Variants in DPP6 observed in about 807,000 individuals in gnomAD.
The protein encoded by DPP6 is A-type potassium channel modulatory protein DPP6.
A neutral mutation model predicts 122.6 loss-of-function variants in DPP6; 69 were observed. The observed-to-expected ratio is 0.56, with a 90% CI of 0.46 to 0.69. The LOEUF (loss-of-function observed/expected upper bound fraction) is 0.69. Ranked by LOEUF, DPP6 falls within the 30% of genes least tolerant of loss-of-function variation. The probability of loss-of-function intolerance (pLI) is 0.00; values close to 1 mark genes in which losing one functional copy is unlikely to be tolerated. For missense variants in DPP6, 928 were observed against 1,116.9 expected (o/e 0.83, Z 2.41); for synonymous variants, 418 against 433.1 (o/e 0.97, Z 0.43).
At chr7:153,847,682 G>A in the DPP6 span, among the ~76,000 whole-genome samples, 3 of 152,116 alleles carry the variant, frequency 2.0e-5, no homozygotes, top group Non-Finnish European at 4.4e-5. Flanking sequence ...TGTCTACTAA[G>A]CCCCTTTAAT....
At chr7:154,814,684 A>G (rs961683022) in intron 16 of DPP6, among the ~76,000 whole-genome samples, 2 of 152,222 alleles carry the variant, frequency 1.3e-5, no homozygotes, top group African/African-American at 4.8e-5. Flanking sequence ...TGGAGGCCGG[A>G]AATCCAAAAT....
rs1010531679 is a variant in DPP6 at position 154,061,672 on chromosome 7, C to G, written c.243+8609C>G. ...GACTCAGAGCCAACCCCTCTTCCCC[C>G]CCTGGCTCTTGGGACCACCATCGCA... On this transcript the variant is annotated intron_variant, in intron 1 of 25. Coordinates refer to ENST00000377770, the MANE Select transcript of DPP6 (RefSeq NM_130797.4). Among the ~76,000 whole-genome samples, 112 of 113,774 alleles carry G rather than the reference C, an allele frequency of 9.8e-4. 4 individuals are homozygous for G. The highest frequency in any genetic ancestry group is 3.1e-3 in the African/African-American group (93 of 29,554). The allele number at this position is 113,774 out of a possible 152,430, so 74.6% of individuals were successfully genotyped here. A position where few individuals can be genotyped will look rare whatever the true frequency, so the allele number is the denominator to read the frequency against.
chr7:154,473,241 G>A (rs897026238), intron 2 of DPP6, among the ~76,000 whole-genome samples: 1 of 152,128 alleles, frequency 6.6e-6, no homozygotes, highest in African/African-American at 2.4e-5. Flanking sequence ...CTCATTTATT[G>A]TCGTGTATAT....
In DPP6 at chr7:154,520,344, C is replaced by T. The variant is rs376299108; in HGVS notation, c.458-20188C>T. 1.4e-4 allele frequency among the ~76,000 whole-genome samples: 22 copies of T among 152,326 alleles called. No homozygotes were observed. In the South Asian group the frequency reaches 4.6e-3, roughly 32 times the overall value. On this transcript the variant is annotated intron_variant, in intron 3 of 25. Transcript: ENST00000377770. ...AACAAAATGGCTGCTCTAGCTCCAG[C>T]CATCATAAAAGCCTTCCTGCTAGCA...
At chr7:154,787,785 C>T (rs1209658302) in intron 10 of DPP6, among the ~76,000 whole-genome samples, 5 of 152,162 alleles carry the variant, frequency 3.3e-5, no homozygotes, top group Non-Finnish European at 7.4e-5. Flanking sequence ...AAATTCAGTT[C>T]TTTCCAAACT....
chr7:154,175,067 TA>T (rs1402775905), intron 1 of DPP6, among the ~76,000 whole-genome samples: 1 of 151,872 alleles, frequency 6.6e-6, no homozygotes. Context: ...TATTTTTATT[TA>T]TTTTTAATAT....
intron 7 of DPP6, among the ~76,000 whole-genome samples, chr7:154,727,384 A>T (rs930109356): frequency 2.6e-5 from 4 of 152,172 alleles, no homozygotes; most frequent in Admixed American, 1.3e-4. Flanking sequence ...CAAGGGAGAA[A>T]TCTAGCCCCA....
At chr7:154,313,711 A>ACG (rs1563460329) in intron 1 of DPP6, among the ~76,000 whole-genome samples, 1,034 of 25,872 alleles carry the variant, frequency 0.04, 250 homozygotes, top group African/African-American at 0.12. Context: ...ATATATATAT[A>ACG]TATACACACA....
rs1554477670 is a variant in DPP6 at position 154,821,653 on chromosome 7, T to TATATATACACATATATATATACACACAC, written c.1666+14548_1666+14549insCACATATATATATACACACACATATATA. Among the ~76,000 whole-genome samples, 846 of 107,048 alleles carry TATATATACACATATATATATACACACAC rather than the reference T, an allele frequency of 7.9e-3. 11 individuals are homozygous for TATATATACACATATATATATACACACAC. The highest frequency in any genetic ancestry group is 0.013 in the Non-Finnish European group (630 of 48,240). The allele number at this position is 107,048 out of a possible 152,430, so 70.2% of individuals were successfully genotyped here. A position where few individuals can be genotyped will look rare whatever the true frequency, so the allele number is the denominator to read the frequency against. On this transcript the variant is annotated intron_variant, in intron 16 of 25. Transcript: ENST00000377770. This position sits in a 1 kb window ranked among gnomAD's most constrained non-coding sequence, Gnocchi z 4.2. ...GTATATATATATATATATACACATATATATATATATACACATATATATATA... is the reference window on the plus strand; with the variant it reads ...GTATATATATATATATATACACATATATATATACACATATATATATACACACACATATATATATACACATATATATATA...
intron 1 of DPP6, among the ~76,000 whole-genome samples, chr7:154,414,023 G>A (rs1009523146): frequency 4.6e-5 from 7 of 152,224 alleles, no homozygotes; most frequent in Admixed American, 1.3e-4. Context: ...TGAAGCCATC[G>A]TGTCCATCAT....
intron 1 of DPP6, among the ~76,000 whole-genome samples, chr7:153,915,849 T>C (rs1800281315): frequency 6.6e-6 from 1 of 152,238 alleles, no homozygotes; most frequent in Non-Finnish European, 1.5e-5. Flanking sequence ...TAGACATGTC[T>C]TAAAGGATTA....
intron 1 of DPP6, among the ~76,000 whole-genome samples, chr7:154,123,648 G>A (rs531314115): frequency 6.6e-6 from 1 of 152,318 alleles, no homozygotes; most frequent in South Asian, 2.1e-4. Flanking sequence ...CTAGCACCAG[G>A]TGCAGGAGAC....
intron 5 of DPP6, among the ~76,000 whole-genome samples, chr7:154,628,062 T>G (rs1035126655): frequency 2.6e-5 from 4 of 152,290 alleles, no homozygotes; most frequent in African/African-American, 9.6e-5. Flanking sequence ...CCTGCTTGCC[T>G]GGGAGCTGCA....
Position 154,637,674 on chromosome 7 carries a change from T to C in DPP6, c.628-147T>C, listed in dbSNP as rs956241823. On this transcript the variant is annotated intron_variant, in intron 5 of 25. Transcript: ENST00000377770. ...AAACAGGATATGCAAATTGACTTCC[T>C]AAGTAAATAAAAGACTTTGTCTCCA... is the stretch of plus-strand genomic sequence containing the variant. The C allele has an allele frequency of 6.6e-6, 5 of 758,060 alleles. No homozygotes were observed. In the African/African-American group the frequency reaches 7.1e-5, roughly 11 times the overall value. The allele number at this position is 758,060 out of a possible 1,614,324, so 47.0% of individuals were successfully genotyped here. A position where few individuals can be genotyped will look rare whatever the true frequency, so the allele number is the denominator to read the frequency against.
At position 154,024,356 on chromosome 7, in the gene DPP6, A is replaced by G. The variant is rs1342425954; in HGVS notation, c.51+136622A>G. Among the ~76,000 whole-genome samples the G allele has an allele frequency of 2.0e-5, 3 of 152,320 alleles. No homozygotes were observed. In the East Asian group the frequency reaches 5.8e-4, roughly 29 times the overall value. On this transcript the variant is annotated intron_variant, in intron 1 of 25. Coordinates refer to the DPP6 transcript ENST00000404039. ...GTCACCCACAAATCATGTTGCAAAGATTGATAGTAATTGAATAAATTGCCA... is the reference window on the plus strand; with the variant it reads ...GTCACCCACAAATCATGTTGCAAAGGTTGATAGTAATTGAATAAATTGCCA...
At position 154,006,751 on chromosome 7, in the gene DPP6, C is replaced by G. The variant is rs1797928563; in HGVS notation, c.51+119017C>G. Among the ~76,000 whole-genome samples the G allele has an allele frequency of 3.3e-5, 5 of 152,352 alleles. No individual in the cohort carries two copies. In the South Asian group the frequency reaches 1.0e-3, roughly 32 times the overall value. On this transcript the variant is annotated intron_variant, in intron 1 of 25. Transcript: ENST00000404039. The stretch of plus-strand genomic sequence containing the variant: ...GCAATAAGCTAATGTACAGGGAGCA[C>G]TTAAAAGACTATCTGCACGCAGGAA...
intron 6 of DPP6, among the ~76,000 whole-genome samples, chr7:154,649,703 GGGGAT>G (rs1836745431): frequency 6.6e-6 from 1 of 152,184 alleles, no homozygotes. Flanking sequence ...GGGCCTCATG[GGGGAT>G]GGTGTCCGGC....
chr7:153,957,994 T>C (rs973447445), intron 1 of DPP6, among the ~76,000 whole-genome samples: 1 of 152,012 alleles, frequency 6.6e-6, no homozygotes, highest in Non-Finnish European at 1.5e-5. Flanking sequence ...TAAAACCCCA[T>C]CTCTACTAAA....
At chr7:154,108,475 G>A (rs187145240) in intron 1 of DPP6, among the ~76,000 whole-genome samples, 358 of 152,210 alleles carry the variant, frequency 2.4e-3, no homozygotes, top group African/African-American at 8.0e-3. Context: ...GGAGAACACC[G>A]ATGCTCTCCA....
Sources: gnomAD v4.1 joint callset for allele counts (sites outside exome capture counted in the v4.1 genomes callset) on GRCh38, gnomAD v4.1.1 for gene constraint, Gnocchi (gnomAD v3.1) non-coding constraint, MANE v1.5 for transcripts, NCBI Gene and HGNC (gene_info 2026-07-23, HGNC 2026-07-21) for gene names.